Variants in PDE10A observed in about 807,000 individuals in gnomAD.
The protein encoded by PDE10A is phosphodiesterase 10A.
A neutral mutation model predicts 97.7 loss-of-function variants in PDE10A; 39 were observed. The ratio of observed to expected loss-of-function variants is 0.40; its 90% CI spans 0.31 to 0.52. The LOEUF is 0.52. Ranked by LOEUF, PDE10A falls within the 20% of genes least tolerant of loss-of-function variation. PDE10A has a pLI of 0.56. For synonymous variants in PDE10A, 371 were observed against 376.8 expected, an observed-to-expected ratio of 0.98 and a Z score of 0.18; for missense variants, 731 against 1,047.8, an observed-to-expected ratio of 0.70 and a Z score of 4.17.
chr6:165,874,040 C>T (rs955136653), intron 1 of PDE10A, among the ~76,000 whole-genome samples: 1 of 152,176 alleles, frequency 6.6e-6, no homozygotes, highest in Non-Finnish European at 1.5e-5. Context: ...CAGCAAACAA[C>T]ATTTTGTGAG....
At chr6:165,743,967 G>A (rs1034743350) in intron 1 of PDE10A, among the ~76,000 whole-genome samples, 1 of 152,210 alleles carries the variant, frequency 6.6e-6, no homozygotes, top group Non-Finnish European at 1.5e-5. Flanking sequence ...CAGCGGATGT[G>A]TGAGGGGTAG....
intron 18 of PDE10A, among the ~76,000 whole-genome samples, chr6:165,375,956 C>T (rs945177909): frequency 1.1e-4 from 16 of 152,318 alleles, no homozygotes; most frequent in Non-Finnish European, 4.4e-5. Context: ...AATGTTACTG[C>T]TCATTGACAA....
At chr6:165,521,085 A>G (rs1433130042) in intron 2 of PDE10A, among the ~76,000 whole-genome samples, 1 of 152,180 alleles carries the variant, frequency 6.6e-6, no homozygotes, top group Non-Finnish European at 1.5e-5. Flanking sequence ...TCAAATTTTC[A>G]CGATATTCAA....
At chr6:165,793,492 G>A (rs767016764) in intron 1 of PDE10A, among the ~76,000 whole-genome samples, 1 of 152,090 alleles carries the variant, frequency 6.6e-6, no homozygotes, top group African/African-American at 2.4e-5. Flanking sequence ...GCTGGGGGGC[G>A]TGGGGTGCAA....
At chr6:165,783,904 A>G (rs1261860421) in intron 1 of PDE10A, among the ~76,000 whole-genome samples, 1 of 152,168 alleles carries the variant, frequency 6.6e-6, no homozygotes, top group Non-Finnish European at 1.5e-5. Flanking sequence ...TTCAAGAAGA[A>G]AGTGAGAAGC....
At chr6:165,390,483 T>TAAGATGGAAGTA (rs1443094438) in intron 16 of PDE10A, among the ~76,000 whole-genome samples, 1 of 152,086 alleles carries the variant, frequency 6.6e-6, no homozygotes, top group Non-Finnish European at 1.5e-5. Context: ...GAGCATATTC[T>TAAGATGGAAGTA]AAGATGGAAG....
At chr6:165,660,100 G>T (rs1790164117) in intron 1 of PDE10A, 1 of 152,384 alleles carries the variant, frequency 6.6e-6, no homozygotes, top group Non-Finnish European at 1.5e-5. Context: ...TCTTAAGAAA[G>T]AATTCACAAG....
chr6:165,377,242 T>C (rs1784662269), intron 18 of PDE10A, among the ~76,000 whole-genome samples: 1 of 152,134 alleles, frequency 6.6e-6, no homozygotes. Context: ...TGAGTTATGC[T>C]TGAACATACT....
intron 2 of PDE10A, among the ~76,000 whole-genome samples, chr6:165,490,042 C>A (rs1286245250): frequency 1.3e-5 from 2 of 152,176 alleles, no homozygotes; most frequent in African/African-American, 4.8e-5. Flanking sequence ...TTGAGGAAAA[C>A]TTACCTAGCC....
chr6:165,465,759 C>T (rs980238345), intron 3 of PDE10A, among the ~76,000 whole-genome samples: 1 of 152,154 alleles, frequency 6.6e-6, no homozygotes, highest in Non-Finnish European at 1.5e-5. Context: ...AGGGGGAAAT[C>T]GCCCCCATGA....
intron 1 of PDE10A, among the ~76,000 whole-genome samples, chr6:165,961,228 G>A (rs1784350525): frequency 6.6e-6 from 1 of 152,104 alleles, no homozygotes; most frequent in African/African-American, 2.4e-5. Context: ...CTGAATTTCA[G>A]TCCCAAAAAA....
intron 1 of PDE10A, among the ~76,000 whole-genome samples, chr6:165,644,440 G>T (rs1414138382): frequency 6.6e-6 from 1 of 152,182 alleles, no homozygotes; most frequent in African/African-American, 2.4e-5. Context: ...AAGTGGGTGT[G>T]CCCATAGGAA....
At chr6:165,732,364 C>G (rs1261326512) in intron 1 of PDE10A, among the ~76,000 whole-genome samples, 3 of 152,166 alleles carry the variant, frequency 2.0e-5, no homozygotes, top group Admixed American at 1.3e-4. Flanking sequence ...GTGGGGCAGA[C>G]CCTGGGGGCA....
intron 2 of PDE10A, among the ~76,000 whole-genome samples, chr6:165,499,386 C>A (rs1470029400): frequency 6.6e-6 from 1 of 152,144 alleles, no homozygotes. Context: ...AAATAAGAAG[C>A]CAGACAAATG....
intron 1 of PDE10A, among the ~76,000 whole-genome samples, chr6:165,619,587 C>CTAG: frequency 2.1e-5 from 3 of 145,988 alleles, no homozygotes; most frequent in East Asian, 2.0e-4. Flanking sequence ...GCGTAGTGTA[C>CTAG]TGTAGTCTAG....
intron 1 of PDE10A, among the ~76,000 whole-genome samples, chr6:165,929,391 G>A (rs1016414526): frequency 9.9e-5 from 15 of 152,284 alleles, no homozygotes; most frequent in African/African-American, 3.6e-4. Context: ...CCTAGGCAGG[G>A]AATATTATTT....
At chr6:165,633,673 G>A (rs965451052) in intron 1 of PDE10A, among the ~76,000 whole-genome samples, 2 of 152,034 alleles carry the variant, frequency 1.3e-5, no homozygotes, top group Non-Finnish European at 2.9e-5. Flanking sequence ...GGTCACCCAG[G>A]CTGGAGTGCG....
intron 1 of PDE10A, among the ~76,000 whole-genome samples, chr6:165,958,713 AGAG>A (rs768185877): frequency 0.03 from 1,958 of 64,328 alleles, 86 homozygotes; most frequent in African/African-American, 0.1. Flanking sequence ...AGAAAGAAAG[AGAG>A]AAGAAAGAAA....
At chr6:165,866,145 G>GA (rs199601491) in intron 1 of PDE10A, among the ~76,000 whole-genome samples, 29 of 147,830 alleles carry the variant, frequency 2.0e-4, no homozygotes, top group Non-Finnish European at 3.0e-4. Flanking sequence ...TGGCTAAATG[G>GA]AAAAAAAAAA....
Sources: gnomAD v4.1 joint callset for allele counts (sites outside exome capture counted in the v4.1 genomes callset) on GRCh38, gnomAD v4.1.1 for gene constraint, MANE v1.5 for transcripts, NCBI Gene and HGNC (gene_info 2026-07-23, HGNC 2026-07-21) for gene names.